NR6A1: variants seen among roughly 807,000 people sequenced by gnomAD.
NR6A1 encodes the protein nuclear receptor subfamily 6 group A member 1, also known as retinoic acid receptor-related testis-associated receptor.
A neutral mutation model predicts 59.1 loss-of-function variants in NR6A1; 7 were observed. That is an observed-to-expected ratio of 0.12 (90% CI 0.07 to 0.22). The LOEUF (loss-of-function observed/expected upper bound fraction) is 0.22. Among genes scored for constraint, NR6A1 ranks in the 10% least tolerant of loss-of-function variants. The pLI, the probability that NR6A1 is intolerant of heterozygous loss-of-function variation, is 1.00. For missense variants in NR6A1, 468 were observed against 611.6 expected (o/e 0.77, Z 2.48); for synonymous variants, 243 against 236.1 (o/e 1.03, Z -0.27).
intron 2 of NR6A1, among the ~76,000 whole-genome samples, chr9:124,576,470 G>A (rs1192060095): frequency 3.3e-5 from 5 of 152,068 alleles, no homozygotes; most frequent in African/African-American, 9.7e-5. Context: ...TGTATTTTTA[G>A]TAGAGACGGG....
At chr9:124,691,766 T>C (rs752208174) in intron 2 of NR6A1, among the ~76,000 whole-genome samples, 3 of 152,222 alleles carry the variant, frequency 2.0e-5, no homozygotes, top group African/African-American at 7.2e-5. Flanking sequence ...TGTGGTAACT[T>C]AGTAATGCAG....
At chr9:124,615,929 GT>G (rs1328736960) in intron 2 of NR6A1, among the ~76,000 whole-genome samples, 1 of 152,008 alleles carries the variant, frequency 6.6e-6, no homozygotes, top group Non-Finnish European at 1.5e-5. Context: ...CCATGACCAT[GT>G]TGGTCAGGCT....
At chr9:124,544,870 T>G (rs1423882013) in intron 3 of NR6A1, among the ~76,000 whole-genome samples, 1 of 152,204 alleles carries the variant, frequency 6.6e-6, no homozygotes, top group African/African-American at 2.4e-5. Context: ...GTGGTCATAT[T>G]GGGATTTTTA....
rs114523490 is a variant in NR6A1, at chr9:124,701,717, C to T, written c.142+31591G>A. Reference sequence around the variant, plus strand: ...TCTTTACGTATTTTAGATGCAACTCCTTTATCAGATTTTTTTTTCTTTTGA... The same window carrying T: ...TCTTTACGTATTTTAGATGCAACTCTTTTATCAGATTTTTTTTTCTTTTGA... On this transcript the variant is annotated intron_variant, in intron 2 of 9. Transcript: ENST00000487099. Among the ~76,000 whole-genome samples, 766 of 152,104 alleles carry T rather than the reference C, an allele frequency of 5.0e-3. 8 individuals are homozygous for T. The highest frequency in any genetic ancestry group is 0.018 in the African/African-American group (739 of 41,486).
At chr9:124,695,947 T>G (rs1221498633) in intron 2 of NR6A1, among the ~76,000 whole-genome samples, 1 of 152,174 alleles carries the variant, frequency 6.6e-6, no homozygotes, top group African/African-American at 2.4e-5. Flanking sequence ...AGTTTTCTCT[T>G]GGATAAAACT....
intron 2 of NR6A1, among the ~76,000 whole-genome samples, chr9:124,600,701 A>G (rs1213669070): frequency 1.3e-5 from 2 of 152,206 alleles, no homozygotes; most frequent in African/African-American, 4.8e-5. Flanking sequence ...TGACAGTATG[A>G]TGTTATGAGT....
chr9:124,549,431 A>C (rs1173193731), intron 3 of NR6A1, among the ~76,000 whole-genome samples: 2 of 152,186 alleles, frequency 1.3e-5, no homozygotes, highest in African/African-American at 4.8e-5. Flanking sequence ...TTTATCCCGA[A>C]GACTGCAAGA....
intron 2 of NR6A1, among the ~76,000 whole-genome samples, chr9:124,722,076 A>G (rs752598615): frequency 2.0e-5 from 3 of 152,228 alleles, no homozygotes; most frequent in Admixed American, 1.3e-4. Context: ...AAGCCACATC[A>G]TATTTTGTGT....
At chr9:124,697,218 G>C (rs1369593472) in intron 2 of NR6A1, among the ~76,000 whole-genome samples, 1 of 152,178 alleles carries the variant, frequency 6.6e-6, no homozygotes, top group Non-Finnish European at 1.5e-5. Context: ...ATCTGAGAAA[G>C]AATGATCTAA....
chr9:124,675,198 A>G (rs1332871133), intron 2 of NR6A1, among the ~76,000 whole-genome samples: 3 of 152,240 alleles, frequency 2.0e-5, no homozygotes, highest in African/African-American at 7.2e-5. Context: ...GTTCTTACTT[A>G]GAAAGTTATG....
intron 2 of NR6A1, among the ~76,000 whole-genome samples, chr9:124,576,034 T>G (rs1447126809): frequency 6.6e-6 from 1 of 152,124 alleles, no homozygotes; most frequent in Non-Finnish European, 1.5e-5. Flanking sequence ...CGTACTGGGT[T>G]TGCCCACCTA....
At chr9:124,601,162 G>A (rs1308606318) in intron 2 of NR6A1, among the ~76,000 whole-genome samples, 1 of 151,988 alleles carries the variant, frequency 6.6e-6, no homozygotes, top group Non-Finnish European at 1.5e-5. Context: ...TGTAATTCCA[G>A]CTACTTGGGA....
At chr9:124,578,803 C>G (rs1834679338) in intron 2 of NR6A1, among the ~76,000 whole-genome samples, 1 of 152,238 alleles carries the variant, frequency 6.6e-6, no homozygotes, top group Non-Finnish European at 1.5e-5. Context: ...TCATGAGGCT[C>G]TAGCCTAAAT....
intron 2 of NR6A1, among the ~76,000 whole-genome samples, chr9:124,569,630 C>T (rs556735235): frequency 6.6e-6 from 1 of 152,304 alleles, no homozygotes; most frequent in Admixed American, 6.5e-5. Flanking sequence ...GTTGTACATT[C>T]TAAGGACTGA....
At position 124,554,380 on chromosome 9, in the gene NR6A1, C is replaced by T. The variant is rs1833871257; in HGVS notation, c.333G>A (p.Arg111=). ...ATTTGAGCAGGCGGCAGTACTGGCACCTGTTCCTCTGCTTCCGAGACATGA... is the reference window on the plus strand; with the variant it reads ...ATTTGAGCAGGCGGCAGTACTGGCATCTGTTCCTCTGCTTCCGAGACATGA... The part of the protein sequence containing the change: ...NCVMSRKQRN[R]CQYCRLLKCL... Residue 111 remains arginine, a synonymous_variant, in exon 3 of 10, where the codon AGG becomes AGA. Transcript: ENST00000487099. 6.2e-7 allele frequency: 1 copy of T among 1,614,198 alleles called. No individual in the cohort carries two copies. The highest frequency in any genetic ancestry group is 8.5e-7 in the Non-Finnish European group (1 of 1,180,030).
chr9:124,529,431 A>G (rs1833033247), intron 7 of NR6A1, among the ~76,000 whole-genome samples: 1 of 152,140 alleles, frequency 6.6e-6, no homozygotes, highest in Non-Finnish European at 1.5e-5. Flanking sequence ...CCTTCCTGAT[A>G]ACCTGGAAGG....
intron 1 of NR6A1, among the ~76,000 whole-genome samples, chr9:124,737,801 G>C (rs907407856): frequency 2.4e-4 from 36 of 152,250 alleles, no homozygotes; most frequent in African/African-American, 7.7e-4. Flanking sequence ...AGAGGCAGAG[G>C]TTGTAGTGAG....
rs558814001 is a variant in NR6A1, at chr9:124,771,038, G to A, written c.82C>T (p.Pro28Ser). 56 of 1,230,396 alleles carry A rather than the reference G, an allele frequency of 4.6e-5. No individual in the cohort carries two copies. The African/African-American group carries it at 6.7e-4, about 15-fold the overall frequency. 76.2% of individuals were successfully genotyped at this position (1,230,396 alleles called of 1,614,324 possible). ...AGFLEPPAAL[P>S]PPPRNGFCQD... ...CACCCACCGTTGCGCGGCGGCGGAG[G>A]GAGCGCGGCGGGAGGCTCCAGGAAC... Residue 28 changes from proline (P) to serine (S), a missense_variant, in exon 1 of 10, where the codon CCT becomes TCT. By Grantham distance (74) the Pro-to-Ser change is moderately conservative. Transcript: ENST00000487099.
intron 2 of NR6A1, among the ~76,000 whole-genome samples, chr9:124,708,127 G>A (rs958987633): frequency 6.6e-6 from 1 of 152,094 alleles, no homozygotes; most frequent in African/African-American, 2.4e-5. Context: ...TAGTCTACTG[G>A]CCCACTGTTT....
Sources: gnomAD v4.1 joint callset for allele counts (sites outside exome capture counted in the v4.1 genomes callset) on GRCh38, gnomAD v4.1.1 for gene constraint, MANE v1.5 for transcripts, NCBI Gene and HGNC (gene_info 2026-07-23, HGNC 2026-07-21) for gene names.